The following NUDC variants were observed in gnomAD, a reference collection of about 807,000 sequenced individuals.
NUDC encodes nuclear migration protein nudC.
In NUDC, 14 loss-of-function variants were observed where a neutral mutation model predicts 45.0. The observed-to-expected ratio is 0.31, with a 90% CI of 0.21 to 0.49. The LOEUF (loss-of-function observed/expected upper bound fraction) is 0.49, where lower values mean the gene tolerates loss of function less well. Among genes scored for constraint, NUDC ranks in the 20% least tolerant of loss-of-function variants. The pLI is 0.99. For missense variants in NUDC, 323 were observed against 426.2 expected (o/e 0.76, Z 2.13); for synonymous variants, 153 against 156.7 (o/e 0.98, Z 0.17).
At chr1:26,938,560 G>A (rs2082252774) in intron 2 of NUDC, among the ~76,000 whole-genome samples, 2 of 152,196 alleles carry the variant, frequency 1.3e-5, no homozygotes, top group South Asian at 4.1e-4. Context: ...TACGTTTGGT[G>A]TTCTTTAACC....
intron 3 of NUDC, chr1:26,912,199 G>T: frequency 7.8e-7 from 1 of 1,274,676 alleles, no homozygotes; most frequent in South Asian, 1.4e-5. Context: ...TCCTTTGCTC[G>T]GCCTTTGAGG....
At chr1:26,911,565 T>A in intron 3 of NUDC, 1 of 475,078 alleles carries the variant, frequency 2.1e-6, no homozygotes, top group South Asian at 2.1e-5. Flanking sequence ...TCTGGTCCAA[T>A]AAGCAGCCTA....
Position 26,921,806 on chromosome 1 carries a change from G to A in NUDC, c.-43G>A. On this transcript the variant is annotated 5_prime_UTR_variant, in exon 1 of 9. Coordinates refer to ENST00000321265, the MANE Select transcript of NUDC (RefSeq NM_006600.4). ...ACCCGCAGGAGCGTAGAGAGCGCGG[G>A]ACTAGAGTGCAGAGCTCCGGGACGT... 1 of 1,540,744 alleles carries A rather than the reference G, an allele frequency of 6.5e-7. No homozygotes were observed. Among genetic ancestry groups the A allele is most frequent in the Non-Finnish European group, 8.8e-7 (1 of 1,139,068 alleles).
chr1:26,937,842 T>A (rs767417101), intron 2 of NUDC, among the ~76,000 whole-genome samples: 9 of 151,878 alleles, frequency 5.9e-5, no homozygotes, highest in Non-Finnish European at 2.9e-5. Context: ...AGAGACAGGG[T>A]CTTCCTATGT....
chr1:26,937,435 G>A (rs1448260098), intron 2 of NUDC, among the ~76,000 whole-genome samples: 2 of 151,432 alleles, frequency 1.3e-5, no homozygotes, highest in East Asian at 2.0e-4. Flanking sequence ...ATATGCCACC[G>A]TGTCTGGCTA....
intron 2 of NUDC, among the ~76,000 whole-genome samples, chr1:26,936,241 G>C (rs960554505): frequency 8.5e-6 from 1 of 117,950 alleles, no homozygotes; most frequent in Non-Finnish European, 1.7e-5. Context: ...CCAGGCTGGA[G>C]TACGGTGTCC....
intron 8 of NUDC, 77 bp downstream of exon 8, chr1:26,945,763 C>A: frequency 9.9e-7 from 1 of 1,013,072 alleles, no homozygotes; most frequent in South Asian, 1.3e-5. Context: ...GTGAGTGGAT[C>A]ACTGCGCTGC....
chr1:26,911,339 A>C (rs1375895037), intron 3 of NUDC: 1 of 374,294 alleles, frequency 2.7e-6, no homozygotes, highest in Non-Finnish European at 5.4e-6. Context: ...CAATGAGGTG[A>C]TGGGATTGTG....
At chr1:26,945,766 T>TGC (rs1446595989) in intron 8 of NUDC, 80 bp downstream of exon 8, 6 of 1,004,664 alleles carry the variant, frequency 6.0e-6, no homozygotes, top group Admixed American at 5.1e-5. Context: ...AGTGGATCAC[T>TGC]GCGCTGCCTC....
intron 1 of NUDC, among the ~76,000 whole-genome samples, chr1:26,901,990 A>T (rs1039388135): frequency 1.3e-5 from 2 of 152,194 alleles, no homozygotes; most frequent in African/African-American, 2.4e-5. Context: ...GCACATGTTT[A>T]TCAGAAGACT....
At chr1:26,940,432 C>T (rs1013444348) in intron 2 of NUDC, among the ~76,000 whole-genome samples, 9 of 149,954 alleles carry the variant, frequency 6.0e-5, no homozygotes, top group African/African-American at 1.5e-4. Flanking sequence ...GCCAAGATCA[C>T]GCCACTGCAC....
chr1:26,918,969 T>C (rs1007705563), upstream of NUDC, among the ~76,000 whole-genome samples: 4 of 151,842 alleles, frequency 2.6e-5, no homozygotes, highest in Admixed American at 1.3e-4. Flanking sequence ...GTAGAGATGG[T>C]GTTTCACCAT....
intron 2 of NUDC, among the ~76,000 whole-genome samples, chr1:26,926,184 T>G (rs2082131244): frequency 6.6e-6 from 1 of 152,208 alleles, no homozygotes; most frequent in South Asian, 2.1e-4. Flanking sequence ...CCCGGCGCCA[T>G]TATCTTTATA....
chr1:26,942,976 A>G lies in NUDC; in HGVS notation c.652A>G (p.Ile218Val), dbSNP rs1398126249. 1.2e-6 allele frequency: 2 copies of G among 1,614,038 alleles called. No homozygotes were observed. The highest frequency in any genetic ancestry group is 2.7e-5 in the African/African-American group (2 of 74,916). ...RVGLKGQPAI[I>V]DGELYNEVKV... ...GGGGCTCAAGGGGCAGCCAGCGATC[A>G]TTGATGGGGAGCTCTACAATGAAGT... is the stretch of plus-strand genomic sequence containing the variant. The change falls in exon 6 of 9, where the codon ATT becomes GTT. Residue 218 changes from isoleucine (I) to valine (V), a missense_variant. Ile to Val is a conservative substitution (Grantham distance 29, BLOSUM62 3). This residue lies in a region of NUDC where 245 missense variants were observed against 278.8 expected (regional missense o/e 0.88). Transcript: ENST00000321265.
At chr1:26,915,031 G>A (rs12732992) in intron 3 of NUDC, among the ~76,000 whole-genome samples, 2 of 139,706 alleles carry the variant, frequency 1.4e-5, no homozygotes, top group African/African-American at 5.5e-5. Context: ...ATGTATATGT[G>A]TATATATATA....
In NUDC at chr1:26,924,152, G is replaced by A. The variant is rs928279802; in HGVS notation, c.145G>A (p.Gly49Arg). Residue 49 changes from glycine (G) to arginine (R), a missense_variant, in exon 2 of 9, where the codon GGG (glycine) becomes AGG (arginine). Gly to Arg is a moderately radical substitution (Grantham distance 125, BLOSUM62 -2). Around this residue, in one of 3 missense-constraint regions of NUDC, gnomAD observed 245 missense variants for 278.8 expected, o/e 0.88. Coordinates refer to ENST00000321265, the MANE Select transcript of NUDC (RefSeq NM_006600.4). ...KTDFFIGGEEGMAEKLITQTF... is the reference protein window; with the variant it reads ...KTDFFIGGEERMAEKLITQTF... ...AGACTTTTTCATTGGAGGAGAAGAA[G>A]GGATGGCAGAGAAGGTAAGTGTTGG... The A allele has an allele frequency of 5.0e-6, 8 of 1,614,110 alleles. No individual in the cohort carries two copies. The highest frequency in any genetic ancestry group is 1.3e-5 in the African/African-American group (1 of 75,044).
At chr1:26,931,499 G>T (rs1362482419) in intron 2 of NUDC, among the ~76,000 whole-genome samples, 2 of 145,780 alleles carry the variant, frequency 1.4e-5, no homozygotes, top group African/African-American at 2.5e-5. Flanking sequence ...TTCTCGTACC[G>T]GTTGGGCACG....
intron 2 of NUDC, among the ~76,000 whole-genome samples, chr1:26,936,055 G>A (rs1482479064): frequency 1.5e-5 from 2 of 134,586 alleles, no homozygotes; most frequent in East Asian, 2.3e-4. Flanking sequence ...TGCAGCCTCC[G>A]CCTCCTGAGT....
intron 2 of NUDC, among the ~76,000 whole-genome samples, chr1:26,936,016 G>A (rs2082226662): frequency 6.8e-6 from 1 of 146,456 alleles, no homozygotes; most frequent in Admixed American, 6.9e-5. Context: ...GTGCTGAGGC[G>A]TGAGTGCAGT....
Sources: allele counts gnomAD v4.1 joint callset (sites outside exome capture counted in the v4.1 genomes callset), GRCh38; gene constraint gnomAD v4.1.1; regional missense constraint gnomAD v4.1.1; transcripts MANE v1.5; gene names NCBI Gene and HGNC (gene_info 2026-07-23, HGNC 2026-07-21).